The following LPIN1 variants were observed in gnomAD, a reference collection of about 807,000 sequenced individuals.
LPIN1 encodes lipin 1, also known as phosphatidate phosphatase LPIN1.
Under a neutral mutation model 107.5 loss-of-function variants are expected in LPIN1, and 71 were observed. The observed-to-expected ratio is 0.66, with a 90% CI of 0.55 to 0.80. The LOEUF (loss-of-function observed/expected upper bound fraction) is 0.80, where lower values mean the gene tolerates loss of function less well. Among genes scored for constraint, LPIN1 ranks in the 30% least tolerant of loss-of-function variants. LPIN1 has a pLI of 0.00. For missense variants in LPIN1, 1,043 were observed against 1,160.6 expected (o/e 0.90, Z 1.47); for synonymous variants, 445 against 452.6 (o/e 0.98, Z 0.21).
intron 7 of LPIN1, 31 bp from the exon 8 acceptor site, chr2:11,782,170 T>C: frequency 6.4e-7 from 1 of 1,570,664 alleles, no homozygotes; most frequent in Non-Finnish European, 8.8e-7. Context: ...ACCTTGTCTC[T>C]CTCTCTGTCC....
At chr2:11,721,263 C>CGT (rs5829326), upstream of LPIN1, among the ~76,000 whole-genome samples, 18,869 of 129,716 alleles carry the variant, frequency 0.15, 1,490 homozygotes, top group African/African-American at 0.21. Context: ...GTACTGCATG[C>CGT]GTGTGTGTGT....
chr2:11,769,887 A>G (rs1020013638), intron 3 of LPIN1, among the ~76,000 whole-genome samples: 5 of 152,204 alleles, frequency 3.3e-5, no homozygotes, highest in African/African-American at 1.2e-4. Context: ...TTTTAAAGCA[A>G]GTGTCCATAA....
rs1425266314 is a variant in LPIN1 at position 11,803,282 on chromosome 2, A to T, written c.2013+249A>T. ...GGCCCTGGAGGATCTAGTTTACTAG[A>T]GTTAGGAGGAAGGCAGCCTGGCGGA... On this transcript the variant is annotated intron_variant, in intron 15 of 20. Coordinates refer to ENST00000674199, the MANE Select transcript of LPIN1 (RefSeq NM_001349206.2). This position sits in a 1 kb window ranked among gnomAD's most constrained non-coding sequence, Gnocchi z 4.2. Among the ~76,000 whole-genome samples, 1 of 152,164 alleles carries T rather than the reference A, an allele frequency of 6.6e-6. No individual in the cohort carries two copies. Among genetic ancestry groups the T allele is most frequent in the African/African-American group, 2.4e-5 (1 of 41,444 alleles).
At chr2:11,730,928 G>T (rs568778646) in intron 1 of LPIN1, among the ~76,000 whole-genome samples, 118 of 152,276 alleles carry the variant, frequency 7.7e-4, no homozygotes, top group African/African-American at 2.6e-3. Flanking sequence ...TCAGCTCGAC[G>T]ATGTGAGGTG....
At chr2:11,766,995 C>A (rs192110255) in intron 2 of LPIN1, among the ~76,000 whole-genome samples, 1 of 151,782 alleles carries the variant, frequency 6.6e-6, no homozygotes, top group Non-Finnish European at 1.5e-5. Flanking sequence ...CAGAGGGGGT[C>A]CGTTCAGTCA....
intron 1 of LPIN1, among the ~76,000 whole-genome samples, chr2:11,683,807 A>G (rs1238315793): frequency 6.6e-6 from 1 of 152,204 alleles, no homozygotes; most frequent in Non-Finnish European, 1.5e-5. Context: ...GGTGAAAGCC[A>G]GGCTTTGTCA....
chr2:11,737,997 C>G (rs1013277925), intron 1 of LPIN1, among the ~76,000 whole-genome samples: 1 of 152,146 alleles, frequency 6.6e-6, no homozygotes, highest in Non-Finnish European at 1.5e-5. Flanking sequence ...AAATGCCCAT[C>G]AATGATGGAC....
Position 11,773,704 on chromosome 2 carries a change from C to T in LPIN1, c.681C>T (p.Ala227=). Residue 227 remains alanine, a synonymous_variant, in exon 5 of 21, where the codon GCC becomes GCT. Coordinates refer to ENST00000674199, the MANE Select transcript of LPIN1 (RefSeq NM_001349206.2). ...LSLAVIYPQS[A]SYPNSDREWS... is the part of the protein sequence containing the mutation. ...TGGCTGTGATTTACCCTCAGTCAGC[C>T]TCATACCCTAATTCGGATAGAGAGT... The T allele has an allele frequency of 1.9e-6, 3 of 1,614,004 alleles. No homozygotes were observed. The highest frequency in any genetic ancestry group is 2.5e-6 in the Non-Finnish European group (3 of 1,179,908).
chr2:11,711,943 T>TC (rs2148524591), intron 1 of LPIN1, among the ~76,000 whole-genome samples: 1 of 152,226 alleles, frequency 6.6e-6, no homozygotes, highest in East Asian at 1.9e-4. Context: ...CCAGTCCCCT[T>TC]CCCCATTTGA....
upstream of LPIN1, among the ~76,000 whole-genome samples, chr2:11,744,897 C>A (rs1367041547): frequency 6.6e-6 from 1 of 152,192 alleles, no homozygotes; most frequent in East Asian, 1.9e-4. Flanking sequence ...CTTTGTGTAG[C>A]TCCCACGTCT....
At chr2:11,824,530 G>A (rs1395358088) in intron 20 of LPIN1, 102 bp from the exon 21 acceptor site, 1 of 1,136,478 alleles carries the variant, frequency 8.8e-7, no homozygotes, top group East Asian at 2.4e-5. Flanking sequence ...TAAGTAGGCG[G>A]TCTGCTCCTT....
chr2:11,758,946 C>G (rs1669091154), intron 1 of LPIN1, among the ~76,000 whole-genome samples: 1 of 152,170 alleles, frequency 6.6e-6, no homozygotes. Flanking sequence ...AGCAACGATT[C>G]AGTTATTAAA....
At chr2:11,819,359 A>G in intron 18 of LPIN1, 125 bp from the exon 19 acceptor site, 2 of 719,802 alleles carry the variant, frequency 2.8e-6, no homozygotes, top group Non-Finnish European at 5.0e-6. Context: ...CAGCTGCCTG[A>G]CACACACTAA....
intron 1 of LPIN1, among the ~76,000 whole-genome samples, chr2:11,750,086 C>G (rs1667562063): frequency 6.6e-6 from 1 of 152,220 alleles, no homozygotes; most frequent in Admixed American, 6.5e-5. Context: ...TGCCCCCCTC[C>G]CCTCCCCGGC....
intron 20 of LPIN1, 79 bp from the exon 21 acceptor site, chr2:11,824,553 C>A: frequency 2.1e-6 from 3 of 1,441,328 alleles, no homozygotes; most frequent in Non-Finnish European, 2.9e-6. Context: ...GGTTGTAGAT[C>A]TCTCTTGACT....
In LPIN1 at chr2:11,803,178, G is replaced by A; in HGVS notation, c.2013+145G>A. 9.1e-7 allele frequency: 1 copy of A among 1,099,060 alleles called. No homozygotes were observed. The highest frequency in any genetic ancestry group is 1.4e-6 in the Non-Finnish European group (1 of 733,410). 68.1% of individuals were successfully genotyped at this position (1,099,060 alleles called of 1,614,324 possible). On this transcript the variant is annotated intron_variant, in intron 15 of 20. Coordinates refer to ENST00000674199, the MANE Select transcript of LPIN1 (RefSeq NM_001349206.2). This position sits in a 1 kb window ranked among gnomAD's most constrained non-coding sequence, Gnocchi z 4.2. ...GCAATCCCTCAACTGGGTACCCGCT[G>A]TTTCCACCCCAACTCCAGCACTATC...
chr2:11,726,981 C>T (rs1275408205), intron 1 of LPIN1, among the ~76,000 whole-genome samples: 5 of 152,226 alleles, frequency 3.3e-5, no homozygotes, highest in South Asian at 4.1e-4. Flanking sequence ...TTTTCAGTGC[C>T]TGTTGGGCAC....
intron 20 of LPIN1, among the ~76,000 whole-genome samples, chr2:11,822,664 T>A (rs1681744458): frequency 6.6e-6 from 1 of 151,970 alleles, no homozygotes; most frequent in African/African-American, 2.4e-5. Flanking sequence ...TTCCACTGAG[T>A]CCCTCCCACA....
intron 18 of LPIN1, chr2:11,816,467 C>T (rs933580462): frequency 1.3e-5 from 2 of 152,240 alleles, no homozygotes; most frequent in Non-Finnish European, 1.5e-5. Context: ...GACATCCTAA[C>T]ACTAACTATG....
Sources: allele counts gnomAD v4.1 joint callset (sites outside exome capture counted in the v4.1 genomes callset), GRCh38; gene constraint gnomAD v4.1.1; non-coding constraint Gnocchi (gnomAD v3.1); transcripts MANE v1.5; gene names NCBI Gene and HGNC (gene_info 2026-07-23, HGNC 2026-07-21).